The following LMO7 variants were observed in gnomAD, a reference collection of about 807,000 sequenced individuals.
The protein encoded by LMO7 is LIM domain only protein 7.
Under a neutral mutation model 206.5 loss-of-function variants are expected in LMO7, and 120 were observed. That is an observed-to-expected ratio of 0.58 (90% CI 0.50 to 0.68). The LOEUF (loss-of-function observed/expected upper bound fraction) is 0.68. Among genes scored for constraint, LMO7 ranks in the 30% least tolerant of loss-of-function variants. The probability of loss-of-function intolerance (pLI) is 0.00; values close to 1 mark genes in which losing one functional copy is unlikely to be tolerated. For synonymous variants in LMO7, 706 were observed against 681.5 expected (o/e 1.04, Z -0.56); for missense variants, 1,959 against 1,957.9 (o/e 1.00, Z -0.01).
chr13:75,647,751 C>T (rs963089135), intron 1 of LMO7, among the ~76,000 whole-genome samples: 1 of 152,050 alleles, frequency 6.6e-6, no homozygotes, highest in Non-Finnish European at 1.5e-5. Context: ...TCTGCTTCAA[C>T]TTAAACATCA....
At chr13:75,852,288 G>T (rs2060561552) in intron 27 of LMO7, among the ~76,000 whole-genome samples, 1 of 152,182 alleles carries the variant, frequency 6.6e-6, no homozygotes, top group Admixed American at 6.5e-5. Flanking sequence ...GCTAAACATT[G>T]AGTACATATG....
At chr13:75,810,616 T>C (rs2056244603) in intron 11 of LMO7, among the ~76,000 whole-genome samples, 1 of 151,398 alleles carries the variant, frequency 6.6e-6, no homozygotes. Flanking sequence ...TAAAAATCTC[T>C]TTGCAGCTTT....
chr13:75,620,767 T>C (rs1593791776), exon 1 of LMO7: 1 of 152,134 alleles, frequency 6.6e-6, no homozygotes, highest in Non-Finnish European at 1.5e-5. Context: ...TTGATAAGCT[T>C]TCCCACTAAG....
In LMO7 at chr13:75,840,436, C is replaced by G. The variant is rs1236800621; in HGVS notation, c.3523C>G (p.Gln1175Glu). ...TGCCCCGAGTCGCTGGGTGTGGGAT[C>G]AAGAGGAGGAGCGGAAGCGGCAGGA... ...ISAPSRWVWD[Q>E]EEERKRQERW... The change falls in exon 22 of 31, where the codon CAA becomes GAA. Residue 1175 changes from glutamine (Q) to glutamate (E), a missense_variant. Physicochemically the swap from Gln to Glu is conservative, Grantham distance 29. Coordinates refer to ENST00000377534, the MANE Select transcript of LMO7 (RefSeq NM_001306080.2). The G allele has an allele frequency of 1.2e-6, 2 of 1,614,008 alleles. No individual in the cohort carries two copies. Among genetic ancestry groups the G allele is most frequent in the Admixed American group, 1.7e-5 (1 of 60,002 alleles).
At chr13:75,623,334 G>T in intron 2 of LMO7, 1 of 1,342,704 alleles carries the variant, frequency 7.4e-7, no homozygotes, top group Non-Finnish European at 1.1e-6. Flanking sequence ...ATATTTTTCT[G>T]TATTTTCTAA....
intron 26 of LMO7, among the ~76,000 whole-genome samples, chr13:75,846,061 A>G (rs2059970026): frequency 6.6e-6 from 1 of 152,040 alleles, no homozygotes; most frequent in Non-Finnish European, 1.5e-5. Context: ...CATGCTGGAG[A>G]AGGCAACCCT....
At chr13:75,634,581 A>C (rs902240527), upstream of LMO7, among the ~76,000 whole-genome samples, 1 of 152,146 alleles carries the variant, frequency 6.6e-6, no homozygotes. Context: ...TCTACTAAAA[A>C]AATACAAAAA....
chr13:75,677,836 C>G (rs1368850342), intron 1 of LMO7, among the ~76,000 whole-genome samples: 2 of 132,034 alleles, frequency 1.5e-5, no homozygotes, highest in African/African-American at 5.7e-5. Context: ...TGTTCCCCTT[C>G]TTGTGTCCAT....
chr13:75,636,787 G>T (rs1262370700), intron 1 of LMO7, 61 bp downstream of exon 1: 3 of 1,486,790 alleles, frequency 2.0e-6, no homozygotes, highest in African/African-American at 1.4e-5. Context: ...CGGTCGTCGC[G>T]AGGTGACTGC....
intron 4 of LMO7, among the ~76,000 whole-genome samples, chr13:75,769,630 C>T (rs2049367808): frequency 6.6e-6 from 1 of 152,046 alleles, no homozygotes; most frequent in Non-Finnish European, 1.5e-5. Context: ...GCCAATTTTT[C>T]CTAAGCTGTT....
rs111944931 is a variant in LMO7 at position 75,719,663 on chromosome 13, C to T, written c.140+6411C>T. Among the ~76,000 whole-genome samples, 160 of 152,278 alleles carry T rather than the reference C, an allele frequency of 1.1e-3. 1 individual carries two copies. The highest frequency in any genetic ancestry group is 3.7e-3 in the African/African-American group (153 of 41,554). Reference sequence around the variant, plus strand: ...CTTGCTTCCCCTTCACCTTCTGCCACGATTGTAAATTTCCTGAGGCCTCCC... The same window carrying T: ...CTTGCTTCCCCTTCACCTTCTGCCATGATTGTAAATTTCCTGAGGCCTCCC... On this transcript the variant is annotated intron_variant, in intron 2 of 30. Transcript: ENST00000377534.
intron 24 of LMO7, among the ~76,000 whole-genome samples, chr13:75,842,383 T>C (rs1157479026): frequency 1.3e-5 from 2 of 152,148 alleles, no homozygotes; most frequent in African/African-American, 4.8e-5. Flanking sequence ...GTGTGTCTTG[T>C]GTTCTCATTT....
intron 1 of LMO7, among the ~76,000 whole-genome samples, chr13:75,664,651 G>C (rs112004286): frequency 0.017 from 2,620 of 152,260 alleles, 33 homozygotes; most frequent in Non-Finnish European, 0.02. Flanking sequence ...TCCACCAACA[G>C]TGTATGAGGG....
intron 1 of LMO7, among the ~76,000 whole-genome samples, chr13:75,687,229 C>T (rs1237141542): frequency 1.3e-5 from 2 of 152,158 alleles, no homozygotes; most frequent in African/African-American, 4.8e-5. Context: ...TAAAACTTGA[C>T]TGTATTAGTG....
intron 3 of LMO7, among the ~76,000 whole-genome samples, chr13:75,737,857 A>AAAC (rs1555305886): frequency 1.9e-4 from 27 of 144,918 alleles, no homozygotes; most frequent in Non-Finnish European, 3.1e-4. Flanking sequence ...AAAAAAAAAA[A>AAAC]AAAAAAACAC....
intron 1 of LMO7, among the ~76,000 whole-genome samples, chr13:75,687,186 T>G (rs1487588065): frequency 6.6e-6 from 1 of 152,200 alleles, no homozygotes; most frequent in Non-Finnish European, 1.5e-5. Context: ...AGGATTTGTT[T>G]CTATAAAGTG....
chr13:75,762,281 T>G (rs1167831354), intron 4 of LMO7, among the ~76,000 whole-genome samples: 1 of 152,172 alleles, frequency 6.6e-6, no homozygotes, highest in Admixed American at 6.5e-5. Flanking sequence ...AGTGAAATGT[T>G]TGCTTCTGTA....
intron 20 of LMO7, chr13:75,838,416 T>A: frequency 1.0e-6 from 1 of 992,014 alleles, no homozygotes; most frequent in Non-Finnish European, 1.4e-6. Context: ...GTCCTTTGTA[T>A]ACCTCTAAAC....
chr13:75,720,931 C>A (rs541499562), intron 2 of LMO7, among the ~76,000 whole-genome samples: 1 of 152,156 alleles, frequency 6.6e-6, no homozygotes, highest in East Asian at 1.9e-4. Flanking sequence ...TGCTTTTAGA[C>A]TTTTAAATTA....
Sources: gnomAD v4.1 joint callset for allele counts (sites outside exome capture counted in the v4.1 genomes callset) on GRCh38, gnomAD v4.1.1 for gene constraint, MANE v1.5 for transcripts, NCBI Gene and HGNC (gene_info 2026-07-23, HGNC 2026-07-21) for gene names.